The following KCNH7 variants were observed in gnomAD, a reference collection of about 807,000 sequenced individuals.
KCNH7 encodes the protein potassium voltage-gated channel subfamily H member 7.
A neutral mutation model predicts 120.8 loss-of-function variants in KCNH7; 49 were observed. The observed-to-expected ratio is 0.41, with a 90% CI of 0.32 to 0.51. The LOEUF is 0.51. Ranked by LOEUF, KCNH7 falls within the 20% of genes least tolerant of loss-of-function variation. KCNH7 has a pLI of 0.38. For missense variants in KCNH7, 1,097 were observed against 1,446.6 expected (o/e 0.76, Z 3.92); for synonymous variants, 547 against 516.1 (o/e 1.06, Z -0.81).
chr2:162,599,929 C>T (rs889961815), intron 2 of KCNH7, among the ~76,000 whole-genome samples: 7 of 152,066 alleles, frequency 4.6e-5, no homozygotes, highest in Non-Finnish European at 8.8e-5. Context: ...CCATTTCAAA[C>T]TTGAATTTGT....
chr2:162,592,957 G>C (rs1019598643), intron 2 of KCNH7, among the ~76,000 whole-genome samples: 22 of 151,990 alleles, frequency 1.4e-4, no homozygotes, highest in African/African-American at 5.1e-4. Context: ...GGTTCAGATA[G>C]ATACATTCTA....
At chr2:162,667,248 T>G (rs1685167921) in intron 2 of KCNH7, among the ~76,000 whole-genome samples, 1 of 152,094 alleles carries the variant, frequency 6.6e-6, no homozygotes, top group Non-Finnish European at 1.5e-5. Flanking sequence ...CTCAAACTCC[T>G]GGATTCCAGT....
chr2:162,428,238 G>A (rs1184328557), intron 8 of KCNH7, among the ~76,000 whole-genome samples: 1 of 151,740 alleles, frequency 6.6e-6, no homozygotes, highest in Non-Finnish European at 1.5e-5. Context: ...AATTTTCCAT[G>A]TGATTTCTTC....
intron 2 of KCNH7, among the ~76,000 whole-genome samples, chr2:162,816,257 C>CAAAAAAAAAAAAAAAAAAAAAAAAAAAAA (rs10599191): frequency 3.3e-5 from 2 of 59,988 alleles, no homozygotes; most frequent in Non-Finnish European, 5.9e-5. Flanking sequence ...AACTCCATCT[C>CAAAAAAAAAAAAAAAAAAAAAAAAAAAAA]AAAAAAAAAA....
At chr2:162,465,069 T>C (rs1043087230) in intron 6 of KCNH7, among the ~76,000 whole-genome samples, 2 of 152,062 alleles carry the variant, frequency 1.3e-5, no homozygotes, top group Admixed American at 1.3e-4. Context: ...TAAAAGGCAA[T>C]AATTTTAAAT....
intron 2 of KCNH7, among the ~76,000 whole-genome samples, chr2:162,826,376 A>G (rs949635647): frequency 2.0e-5 from 3 of 152,110 alleles, no homozygotes; most frequent in African/African-American, 7.2e-5. Context: ...TTCCATCAGA[A>G]TCAGTCAACT....
chr2:162,397,555 T>G (rs1205467475), intron 10 of KCNH7, among the ~76,000 whole-genome samples: 1 of 151,940 alleles, frequency 6.6e-6, no homozygotes, highest in Non-Finnish European at 1.5e-5. Flanking sequence ...TAGGGAAATT[T>G]GTCCTTCTTG....
In KCNH7 at chr2:162,836,750, C is replaced by A. The variant is rs1398003262; in HGVS notation, c.94G>T (p.Ala32Ser). 1 of 1,613,484 alleles carries A rather than the reference C, an allele frequency of 6.2e-7. No individual in the cohort carries two copies. The highest frequency in any genetic ancestry group is 8.5e-7 in the Non-Finnish European group (1 of 1,179,506). ...FEGQNKKFII[A>S]NARVQNCAII... ...GCACAGTTCTGCACTCTGGCATTTG[C>A]AATGATAAATTTTTTATCTGTAATA... The change falls in exon 2 of 16, where the codon GCA becomes TCA. Residue 32 changes from alanine (A) to serine (S), a missense_variant. Physicochemically the swap from Ala to Ser is moderately conservative, Grantham distance 99 (BLOSUM62 1). Coordinates refer to ENST00000332142, the MANE Select transcript of KCNH7 (RefSeq NM_033272.4).
intron 2 of KCNH7, among the ~76,000 whole-genome samples, chr2:162,596,443 C>G (rs1425194586): frequency 6.6e-6 from 1 of 152,004 alleles, no homozygotes; most frequent in Non-Finnish European, 1.5e-5. Context: ...GTGCCAAGAA[C>G]ACACAAGGCA....
At chr2:162,794,340 A>T (rs964323789) in intron 2 of KCNH7, among the ~76,000 whole-genome samples, 2 of 151,974 alleles carry the variant, frequency 1.3e-5, no homozygotes, top group African/African-American at 2.4e-5. Context: ...TGTATCGTAT[A>T]CCTGATAACT....
intron 2 of KCNH7, among the ~76,000 whole-genome samples, chr2:162,686,806 G>T (rs566028941): frequency 6.6e-6 from 1 of 152,070 alleles, no homozygotes; most frequent in African/African-American, 2.4e-5. Context: ...AAGTTCTTGA[G>T]GGTCATCAGT....
At chr2:162,829,700 A>G (rs1685405066) in intron 2 of KCNH7, among the ~76,000 whole-genome samples, 1 of 152,086 alleles carries the variant, frequency 6.6e-6, no homozygotes, top group Non-Finnish European at 1.5e-5. Context: ...AATATCTTAG[A>G]TTACTAAACA....
At chr2:162,548,683 T>A (rs1279304688) in intron 2 of KCNH7, among the ~76,000 whole-genome samples, 1 of 152,134 alleles carries the variant, frequency 6.6e-6, no homozygotes, top group Non-Finnish European at 1.5e-5. Flanking sequence ...CTGCTTTAAT[T>A]GCCAGGAGTT....
chr2:162,414,338 G>C (rs1192907491), intron 9 of KCNH7, among the ~76,000 whole-genome samples: 1 of 151,786 alleles, frequency 6.6e-6, no homozygotes, highest in Non-Finnish European at 1.5e-5. Flanking sequence ...GTTTGAAGTG[G>C]CATGAAATTA....
Position 162,699,456 on chromosome 2 carries a change from C to T in KCNH7, c.307+137081G>A, listed in dbSNP as rs140356442. ...TAAATTTATTTTAATCCAAAAGATA[C>T]AGTAGAAATGTACTGGATAAGTGTA... On this transcript the variant is annotated intron_variant, in intron 2 of 15. Coordinates refer to ENST00000332142, the MANE Select transcript of KCNH7 (RefSeq NM_033272.4). 6.5e-4 allele frequency among the ~76,000 whole-genome samples: 99 copies of T among 152,144 alleles called. 1 individual carries two copies. Among genetic ancestry groups the T allele is most frequent in the African/African-American group, 2.1e-3 (89 of 41,516 alleles).
chr2:162,572,357 A>C (rs1693512742), intron 2 of KCNH7, among the ~76,000 whole-genome samples: 1 of 133,990 alleles, frequency 7.5e-6, no homozygotes, highest in Non-Finnish European at 1.6e-5. Flanking sequence ...ATACCATCTC[A>C]CACCATTTAG....
At position 162,384,843 on chromosome 2, in the gene KCNH7, G is replaced by T. The variant is rs1252002260; in HGVS notation, c.2807C>A (p.Ser936Tyr). The T allele has an allele frequency of 6.2e-7, 1 of 1,612,830 alleles. No individual in the cohort carries two copies. Among genetic ancestry groups the T allele is most frequent in the East Asian group, 2.2e-5 (1 of 44,800 alleles). ...HFEEKKSRSS[S>Y]FISSIDDEQK... ...TTCATCATCAATGGAGGAGATGAAA[G>T]ATGAGGATCTGCTTTTTTTCTCTTC... Residue 936 changes from serine (S) to tyrosine (Y), a missense_variant, in exon 13 of 16, where the codon TCT becomes TAT. Around this residue, in one of 8 missense-constraint regions of KCNH7, gnomAD observed 406 missense variants for 410.5 expected, o/e 0.99. Transcript: ENST00000332142.
chr2:162,625,761 A>C (rs1202042357), intron 2 of KCNH7, among the ~76,000 whole-genome samples: 1 of 152,138 alleles, frequency 6.6e-6, no homozygotes, highest in African/African-American at 2.4e-5. Flanking sequence ...TACATTGGAA[A>C]GGTAGAAGCT....
At chr2:162,812,419 A>G (rs1406999221) in intron 2 of KCNH7, among the ~76,000 whole-genome samples, 1 of 152,124 alleles carries the variant, frequency 6.6e-6, no homozygotes, top group East Asian at 1.9e-4. Context: ...AGGGTTGTGG[A>G]CAGAAAGAAA....
Sources: gnomAD v4.1 joint callset for allele counts (sites outside exome capture counted in the v4.1 genomes callset) on GRCh38, gnomAD v4.1.1 for gene constraint, gnomAD v4.1.1 regional missense constraint, MANE v1.5 for transcripts, NCBI Gene and HGNC (gene_info 2026-07-23, HGNC 2026-07-21) for gene names.